The following TRPC4 variants were observed in gnomAD, a reference collection of about 807,000 sequenced individuals.
The protein encoded by TRPC4 is transient receptor potential cation channel subfamily C member 4.
Under a neutral mutation model 99.4 loss-of-function variants are expected in TRPC4, and 49 were observed. That is an observed-to-expected ratio of 0.49 (90% confidence interval 0.39 to 0.63). The LOEUF (loss-of-function observed/expected upper bound fraction) is 0.63. Ranked by LOEUF, TRPC4 falls within the 20% of genes least tolerant of loss-of-function variation. The pLI is 0.00. For synonymous variants in TRPC4, 454 were observed against 425.9 expected (o/e 1.07, Z -0.81); for missense variants, 898 against 1,152.9 (o/e 0.78, Z 3.20).
At chr13:37,822,391 C>A (rs1257307538) in intron 1 of TRPC4, among the ~76,000 whole-genome samples, 1 of 151,932 alleles carries the variant, frequency 6.6e-6, no homozygotes, top group East Asian at 1.9e-4. Context: ...CGTCATCTAG[C>A]ATTAGGTATA....
In TRPC4 at chr13:37,637,143, G is replaced by A; in HGVS notation, c.2694C>T (p.Ser898=). 2 of 1,613,778 alleles carry A rather than the reference G, an allele frequency of 1.2e-6. No individual in the cohort carries two copies. The highest frequency in any genetic ancestry group is 1.7e-5 in the Admixed American group (1 of 59,932). The stretch of plus-strand genomic sequence containing the variant: ...CACATTGTTCACTGAGACCGGGAAT[G>A]CTCAGGTCACCCCGTGAAGCTAATC... ...SRGLASRGDL[S]IPGLSEQCVL... The change falls in exon 11 of 11, where the codon AGC becomes AGT. Residue 898 remains serine (S), a synonymous_variant. Coordinates refer to ENST00000379705, the MANE Select transcript of TRPC4 (RefSeq NM_016179.4).
intron 5 of TRPC4, among the ~76,000 whole-genome samples, chr13:37,665,910 G>T (rs2138708846): frequency 6.6e-6 from 1 of 151,190 alleles, no homozygotes; most frequent in South Asian, 2.1e-4. Flanking sequence ...GCCCCAGTGT[G>T]ATTATTTAAG....
At chr13:37,711,007 C>G (rs1954466155) in intron 3 of TRPC4, among the ~76,000 whole-genome samples, 1 of 151,882 alleles carries the variant, frequency 6.6e-6, no homozygotes, top group Non-Finnish European at 1.5e-5. Flanking sequence ...ATTAAAAAAT[C>G]TTCTTCACAA....
chr13:37,667,128 A>C (rs916210253), intron 5 of TRPC4, among the ~76,000 whole-genome samples: 1 of 152,194 alleles, frequency 6.6e-6, no homozygotes, highest in Non-Finnish European at 1.5e-5. Flanking sequence ...TCCTCCTAGA[A>C]TCTTTTTGTC....
chr13:37,644,872 C>CAAA (rs11446579), intron 8 of TRPC4, among the ~76,000 whole-genome samples: 3,612 of 81,178 alleles, frequency 0.044, 175 homozygotes, highest in Non-Finnish European at 0.063. Flanking sequence ...GACTCCATCT[C>CAAA]AAAAAAAAAA....
At chr13:37,860,296 G>T (rs1959228079) in intron 1 of TRPC4, among the ~76,000 whole-genome samples, 1 of 150,930 alleles carries the variant, frequency 6.6e-6, no homozygotes, top group Non-Finnish European at 1.5e-5. Context: ...TTTTTCTTTA[G>T]GATTATATTG....
At chr13:37,765,780 C>T (rs994940817) in intron 2 of TRPC4, among the ~76,000 whole-genome samples, 1 of 151,244 alleles carries the variant, frequency 6.6e-6, no homozygotes, top group African/African-American at 2.4e-5. Context: ...GCTTTATTGT[C>T]TTTTGCTGAT....
At chr13:37,812,981 A>G (rs1015300809) in intron 1 of TRPC4, among the ~76,000 whole-genome samples, 2 of 151,982 alleles carry the variant, frequency 1.3e-5, no homozygotes, top group Non-Finnish European at 2.9e-5. Flanking sequence ...AAAGCAGTGG[A>G]ACAGCAACTC....
At chr13:37,725,555 T>A (rs1202794959) in intron 3 of TRPC4, among the ~76,000 whole-genome samples, 2 of 152,062 alleles carry the variant, frequency 1.3e-5, no homozygotes, top group African/African-American at 4.8e-5. Context: ...CATCAGAAAC[T>A]TTAGATACCA....
At chr13:37,652,202 G>A (rs1413556759) in intron 7 of TRPC4, among the ~76,000 whole-genome samples, 1 of 152,172 alleles carries the variant, frequency 6.6e-6, no homozygotes, top group Non-Finnish European at 1.5e-5. Context: ...TCTTAATTTA[G>A]CCATAAATCT....
At chr13:37,708,427 A>G (rs1954364298) in intron 3 of TRPC4, among the ~76,000 whole-genome samples, 1 of 152,068 alleles carries the variant, frequency 6.6e-6, no homozygotes, top group South Asian at 2.1e-4. Flanking sequence ...ATATTTACTT[A>G]TATTTCTGTC....
chr13:37,668,638 G>A (rs1952731267), intron 5 of TRPC4, among the ~76,000 whole-genome samples: 1 of 152,116 alleles, frequency 6.6e-6, no homozygotes, highest in Admixed American at 6.5e-5. Context: ...TGGATCAGAA[G>A]TTTATTGAAT....
Position 37,633,617 on chromosome 13 carries a change from T to G in TRPC4, c.*3286A>C, listed in dbSNP as rs1951439988. Among the ~76,000 whole-genome samples the G allele has an allele frequency of 6.6e-6, 1 of 152,202 alleles. No homozygotes were observed. Among genetic ancestry groups the G allele is most frequent in the South Asian group, 2.1e-4 (1 of 4,834 alleles). On this transcript the variant is annotated 3_prime_UTR_variant, in exon 11 of 11. Transcript: ENST00000379705. ...GAACAGCATGGTGAGTCTACTATCC[T>G]TGACTTTTCATCAATTTGTTTCATC... is the stretch of plus-strand genomic sequence containing the variant.
chr13:37,855,296 G>GAT (rs139637183), intron 1 of TRPC4, among the ~76,000 whole-genome samples: 19,845 of 140,302 alleles, frequency 0.14, 1,614 homozygotes, highest in Non-Finnish European at 0.19. Context: ...ATACAATGTA[G>GAT]ATATATATAT....
rs1245899472 is a variant in TRPC4 at position 37,842,401 on chromosome 13, T to C, written c.-28+27194A>G. Reference sequence around the variant, plus strand: ...AGGAAAAGTATAAATCGGGGGCAGATCTTAGAATAAACACAATTCAAATAT... The same window carrying C: ...AGGAAAAGTATAAATCGGGGGCAGACCTTAGAATAAACACAATTCAAATAT... On this transcript the variant is annotated intron_variant, in intron 1 of 10. Coordinates refer to ENST00000379705, the MANE Select transcript of TRPC4 (RefSeq NM_016179.4). 5.9e-5 allele frequency among the ~76,000 whole-genome samples: 7 copies of C among 118,594 alleles called. 1 individual carries two copies. Among genetic ancestry groups the C allele is most frequent in the Non-Finnish European group, 3.6e-5 (2 of 55,988 alleles). 77.8% of individuals were successfully genotyped at this position (118,594 alleles called of 152,430 possible).
intron 4 of TRPC4, among the ~76,000 whole-genome samples, chr13:37,682,247 G>A (rs760617679): frequency 6.6e-6 from 1 of 152,082 alleles, no homozygotes; most frequent in Admixed American, 6.5e-5. Flanking sequence ...CCTGACCTTG[G>A]AAGTCTCTTC....
At chr13:37,772,039 G>A (rs573668271) in intron 2 of TRPC4, among the ~76,000 whole-genome samples, 1 of 151,682 alleles carries the variant, frequency 6.6e-6, no homozygotes, top group East Asian at 2.0e-4. Context: ...GTCTGCCCAG[G>A]CACGTCAAAT....
intron 4 of TRPC4, among the ~76,000 whole-genome samples, chr13:37,682,619 G>C (rs966246975): frequency 2.9e-4 from 44 of 152,246 alleles, no homozygotes; most frequent in African/African-American, 1.0e-3. Context: ...CTACTAGGAG[G>C]CATCAGGACC....
chr13:37,810,165 A>C (rs1348030290), intron 1 of TRPC4, among the ~76,000 whole-genome samples: 2 of 152,096 alleles, frequency 1.3e-5, no homozygotes, highest in Admixed American at 1.3e-4. Context: ...TGCTTTGATA[A>C]GTTAAAAATA....
Sources: allele counts gnomAD v4.1 joint callset (sites outside exome capture counted in the v4.1 genomes callset), GRCh38; gene constraint gnomAD v4.1.1; transcripts MANE v1.5; gene names NCBI Gene and HGNC (gene_info 2026-07-23, HGNC 2026-07-21).